The following WWOX variants were observed in gnomAD, a reference collection of about 807,000 sequenced individuals.
WWOX encodes WW domain containing oxidoreductase.
In WWOX, 69 loss-of-function variants were observed where a neutral mutation model predicts 46.2. That is an observed-to-expected ratio of 1.49 (90% CI 1.23 to 1.82). WWOX has a LOEUF of 1.82. Among genes scored for constraint, WWOX ranks in the 40% most tolerant of loss-of-function variants. The pLI is 0.00. For synonymous variants in WWOX, 359 were observed against 202.6 expected, an observed-to-expected ratio of 1.77 and a Z score of -6.56; for missense variants, 919 against 542.6, an observed-to-expected ratio of 1.69 and a Z score of -6.89.
intron 8 of WWOX, among the ~76,000 whole-genome samples, chr16:78,965,551 C>G (rs77411220): frequency 6.7e-6 from 1 of 148,478 alleles, no homozygotes; most frequent in Non-Finnish European, 1.5e-5. Context: ...GCCTGGGTAA[C>G]GAGCAAAACT....
intron 6 of WWOX, among the ~76,000 whole-genome samples, chr16:78,413,936 A>G (rs2082739543): frequency 6.6e-6 from 1 of 151,420 alleles, no homozygotes; most frequent in South Asian, 2.1e-4. Context: ...AACCCCTGTG[A>G]CCTGCACATA....
intron 8 of WWOX, among the ~76,000 whole-genome samples, chr16:78,656,147 C>T (rs764071001): frequency 3.3e-5 from 5 of 152,060 alleles, no homozygotes; most frequent in Non-Finnish European, 7.4e-5. Flanking sequence ...GAAAGTTATG[C>T]TCTGTTGTTT....
chr16:78,465,133 G>C (rs1441123005), intron 8 of WWOX, among the ~76,000 whole-genome samples: 1 of 152,140 alleles, frequency 6.6e-6, no homozygotes, highest in African/African-American at 2.4e-5. Context: ...ACCTCCCACT[G>C]GGTCCCTACC....
intron 8 of WWOX, among the ~76,000 whole-genome samples, chr16:78,828,843 C>G (rs1307531232): frequency 6.6e-6 from 1 of 152,200 alleles, no homozygotes; most frequent in East Asian, 1.9e-4. Flanking sequence ...AGGCCACTGT[C>G]TTTTGAGCAG....
rs974104393 is a variant in WWOX at position 78,723,614 on chromosome 16, T to A, written c.1056+290862T>A. On this transcript the variant is annotated intron_variant, in intron 8 of 8. Transcript: ENST00000566780. ...TTTCTTTTCTTTTCTTTTCTTTTCTTTTCTTTTCTTTTCTTTTTTCTTTTC... is the reference window on the plus strand; with the variant it reads ...TTTCTTTTCTTTTCTTTTCTTTTCTATTCTTTTCTTTTCTTTTTTCTTTTC... Among the ~76,000 whole-genome samples, 55 of 87,680 alleles carry A rather than the reference T, an allele frequency of 6.3e-4. 3 individuals are homozygous for A. The highest frequency in any genetic ancestry group is 2.3e-3 in the African/African-American group (51 of 21,840). 57.5% of individuals were successfully genotyped at this position (87,680 alleles called of 152,430 possible).
Position 78,923,172 on chromosome 16 carries a change from G to C in WWOX, c.1057-288436G>C, listed in dbSNP as rs151118104. 5.2e-3 allele frequency among the ~76,000 whole-genome samples: 789 copies of C among 151,770 alleles called. 2 individuals are homozygous for C. Among genetic ancestry groups the C allele is most frequent in the African/African-American group, 0.018 (729 of 41,398 alleles). On this transcript the variant is annotated intron_variant, in intron 8 of 8. Transcript: ENST00000566780. Reference sequence around the variant, plus strand: ...AATTTTGTATTTTTAGTAGAGACGGGGTTTCTCCATGTTGGTCAGGCTGGT... The same window carrying C: ...AATTTTGTATTTTTAGTAGAGACGGCGTTTCTCCATGTTGGTCAGGCTGGT...
intron 5 of WWOX, chr16:78,168,055 C>T (rs914544301): frequency 4.6e-5 from 7 of 152,180 alleles, no homozygotes; most frequent in Non-Finnish European, 1.0e-4. Flanking sequence ...AACATATTGG[C>T]GCCTCACGGG....
chr16:78,444,019 A>T (rs2083502920), intron 8 of WWOX, among the ~76,000 whole-genome samples: 1 of 152,066 alleles, frequency 6.6e-6, no homozygotes, highest in African/African-American at 2.4e-5. Context: ...GGACATGTTG[A>T]TTTTTCCCTG....
intron 5 of WWOX, among the ~76,000 whole-genome samples, chr16:78,321,302 A>ACGTATATATATG (rs56058839): frequency 1.4e-5 from 1 of 70,254 alleles, no homozygotes; most frequent in African/African-American, 5.1e-5. Context: ...GTATATATAT[A>ACGTATATATATG]CGTATATATA....
chr16:78,848,072 C>T (rs2052346836), intron 8 of WWOX, among the ~76,000 whole-genome samples: 1 of 152,142 alleles, frequency 6.6e-6, no homozygotes, highest in Non-Finnish European at 1.5e-5. Flanking sequence ...GCCAAGCTAC[C>T]ACCTGACCCC....
chr16:79,103,875 A>G (rs1039949410), intron 8 of WWOX, among the ~76,000 whole-genome samples: 6 of 152,100 alleles, frequency 3.9e-5, no homozygotes, highest in Admixed American at 2.6e-4. Flanking sequence ...TACACTCTGT[A>G]GGACAAACCA....
intron 8 of WWOX, among the ~76,000 whole-genome samples, chr16:78,600,361 C>G (rs1314326761): frequency 6.6e-6 from 1 of 152,036 alleles, no homozygotes; most frequent in Non-Finnish European, 1.5e-5. Context: ...GAGGGGGGGC[C>G]CCAGATGACG....
At chr16:79,121,163 G>A (rs1273443268) in intron 8 of WWOX, among the ~76,000 whole-genome samples, 8 of 152,178 alleles carry the variant, frequency 5.3e-5, no homozygotes, top group Non-Finnish European at 1.2e-4. Context: ...ACTCACACCT[G>A]CGTATACCCT....
chr16:78,694,167 C>G (rs149285657), intron 8 of WWOX, among the ~76,000 whole-genome samples: 4 of 152,164 alleles, frequency 2.6e-5, no homozygotes, highest in South Asian at 4.2e-4. Flanking sequence ...GAGCTGAGAT[C>G]GCACTACTTC....
intron 4 of WWOX, among the ~76,000 whole-genome samples, chr16:78,154,400 C>T (rs780309368): frequency 3.0e-4 from 45 of 151,634 alleles, no homozygotes; most frequent in Non-Finnish European, 5.3e-4. Context: ...CAGAGGAGTC[C>T]CACAGTTTTC....
chr16:78,561,494 A>G (rs1002769442), intron 8 of WWOX, among the ~76,000 whole-genome samples: 2 of 152,158 alleles, frequency 1.3e-5, no homozygotes, highest in South Asian at 4.1e-4. Flanking sequence ...CTAGAGTATG[A>G]ATTGACTCAG....
Position 78,749,056 on chromosome 16 carries a change from A to C in WWOX, c.1056+316304A>C, listed in dbSNP as rs79460711. On this transcript the variant is annotated intron_variant, in intron 8 of 8. Transcript: ENST00000566780. ...AGCCAAGTGTATTCTAAAATTATCA[A>C]TTGCTGATCACATGGTCTGGATGTG... Among the ~76,000 whole-genome samples the C allele has an allele frequency of 8.3e-3, 1,267 of 152,320 alleles. 10 individuals carry two copies. Among genetic ancestry groups the C allele is most frequent in the African/African-American group, 0.027 (1,137 of 41,560 alleles).
At chr16:78,778,830 G>C (rs141005620) in intron 8 of WWOX, among the ~76,000 whole-genome samples, 1 of 152,162 alleles carries the variant, frequency 6.6e-6, no homozygotes, top group Non-Finnish European at 1.5e-5. Context: ...TCGCCAGCTC[G>C]TAAAGCCCCG....
intron 8 of WWOX, chr16:79,205,873 A>G (rs1263892502): frequency 6.6e-6 from 1 of 152,194 alleles, no homozygotes; most frequent in Non-Finnish European, 1.5e-5. Flanking sequence ...GCCCGCACCT[A>G]CATGCGTGGG....
Sources: allele counts gnomAD v4.1 joint callset (sites outside exome capture counted in the v4.1 genomes callset), GRCh38; gene constraint gnomAD v4.1.1; transcripts MANE v1.5; gene names NCBI Gene and HGNC (gene_info 2026-07-23, HGNC 2026-07-21).